The following GLB1L3 variants were observed in gnomAD, a reference collection of about 807,000 sequenced individuals.
The protein encoded by GLB1L3 is beta-galactosidase-1-like protein 3.
A neutral mutation model predicts 89.5 loss-of-function variants in GLB1L3; 89 were observed. The ratio of observed to expected loss-of-function variants is 0.99; its 90% CI spans 0.84 to 1.19. GLB1L3 has a LOEUF of 1.19. Ranked by LOEUF, GLB1L3 falls within the 50% of genes most tolerant of loss-of-function variation. GLB1L3 has a pLI of 0.00. For synonymous variants in GLB1L3, 314 were observed against 312.3 expected (o/e 1.01, Z -0.06); for missense variants, 812 against 813.3 (o/e 1.00, Z 0.02).
chr11:134,293,753 C>A (rs1285845722), intron 9 of GLB1L3, among the ~76,000 whole-genome samples: 2 of 151,714 alleles, frequency 1.3e-5, no homozygotes, highest in East Asian at 3.9e-4. Flanking sequence ...AGTACATCAT[C>A]TGTCCTTTCT....
chr11:134,283,097 T>C (rs776966124), intron 5 of GLB1L3, among the ~76,000 whole-genome samples: 13 of 152,164 alleles, frequency 8.5e-5, no homozygotes, highest in Non-Finnish European at 1.6e-4. Context: ...AGTCTTGCTC[T>C]CGTCACCCAG....
rs1940381075 is a variant in GLB1L3, at chr11:134,276,600, C to T, written c.-141C>T. On this transcript the variant is annotated 5_prime_UTR_variant, in exon 1 of 20. Coordinates refer to ENST00000431683, the MANE Select transcript of GLB1L3 (RefSeq NM_001080407.3). ...GGCGCCCGCGCCTCGGGACGGATTTCTGCCTCGGCTGCAGGCGCAGCGCGC... is the reference window on the plus strand; with the variant it reads ...GGCGCCCGCGCCTCGGGACGGATTTTTGCCTCGGCTGCAGGCGCAGCGCGC... 2 of 756,750 alleles carry T rather than the reference C, an allele frequency of 2.6e-6. No homozygotes were observed. Among genetic ancestry groups the T allele is most frequent in the South Asian group, 1.1e-4 (2 of 17,770 alleles). 46.9% of individuals were successfully genotyped at this position (756,750 alleles called of 1,614,324 possible).
downstream of GLB1L3, among the ~76,000 whole-genome samples, chr11:134,322,414 A>G (rs868476539): frequency 6.6e-6 from 1 of 152,248 alleles, no homozygotes; most frequent in Non-Finnish European, 1.5e-5. Flanking sequence ...TTCATATACC[A>G]TAAAATTTTT....
intron 18 of GLB1L3, among the ~76,000 whole-genome samples, chr11:134,317,756 T>G (rs1015258656): frequency 6.6e-6 from 1 of 152,182 alleles, no homozygotes; most frequent in Non-Finnish European, 1.5e-5. Flanking sequence ...ATTGAAAGGT[T>G]GTATAAAAAT....
chr11:134,305,434 TTCC>T (rs35537530), intron 9 of GLB1L3: 49,166 of 315,452 alleles, frequency 0.16, 4,324 homozygotes, highest in Middle Eastern at 0.18. Flanking sequence ...TTTGCGCTTC[TTCC>T]TCCTCATTTA....
Position 134,311,072 on chromosome 11 carries a change from C to T in GLB1L3, c.1189C>T (p.Leu397=). ...CCCCATCTCCATTGCAGCAACTCCC[C>T]TGCCCCGAGTACCCAAACTTCCTCC... ...KLFQSVSATP[L]PRVPKLPPKA... Residue 397 remains leucine, a synonymous_variant, in exon 13 of 20, where the codon CTG becomes TTG. Coordinates refer to ENST00000431683, the MANE Select transcript of GLB1L3 (RefSeq NM_001080407.3). 1 of 1,613,634 alleles carries T rather than the reference C, an allele frequency of 6.2e-7. No individual in the cohort carries two copies. The highest frequency in any genetic ancestry group is 1.3e-5 in the African/African-American group (1 of 75,028).
intron 5 of GLB1L3, among the ~76,000 whole-genome samples, chr11:134,282,673 G>T (rs1031244810): frequency 5.9e-5 from 9 of 152,066 alleles, no homozygotes; most frequent in Admixed American, 4.6e-4. Flanking sequence ...TGTGATTCTG[G>T]CCCCCAGCCC....
In GLB1L3 at chr11:134,319,131, T is replaced by A; in HGVS notation, c.*189T>A. The A allele has an allele frequency of 1.8e-6, 1 of 542,158 alleles. No homozygotes were observed. Among genetic ancestry groups the A allele is most frequent in the Non-Finnish European group, 3.3e-6 (1 of 303,816 alleles). The allele number at this position is 542,158 out of a possible 1,614,324, so 33.6% of individuals were successfully genotyped here. On this transcript the variant is annotated 3_prime_UTR_variant, in exon 20 of 20. Coordinates refer to ENST00000431683, the MANE Select transcript of GLB1L3 (RefSeq NM_001080407.3). ...CACCACGCCTGGCTAATTTTTTGTA[T>A]TTTTAGTAGAGATGGGGTTTCACCA...
At chr11:134,288,684 C>T in intron 6 of GLB1L3, 114 bp from the exon 7 acceptor site, 2 of 667,830 alleles carry the variant, frequency 3.0e-6, no homozygotes, top group South Asian at 3.9e-5. Flanking sequence ...ACCACAGGGG[C>T]CGTGGATCAG....
At chr11:134,277,156 C>T (rs756891610) in intron 1 of GLB1L3, 170 bp from the exon 2 acceptor site, 1 of 784,332 alleles carries the variant, frequency 1.3e-6, no homozygotes, top group Admixed American at 1.9e-5. Flanking sequence ...GAGGACTGGC[C>T]GGGTGATGCC....
In GLB1L3 at chr11:134,277,311, C is replaced by T. The variant is rs762299190; in HGVS notation, c.24-15C>T. 7 of 1,613,866 alleles carry T rather than the reference C, an allele frequency of 4.3e-6. No individual in the cohort carries two copies. Among genetic ancestry groups the T allele is most frequent in the Non-Finnish European group, 5.1e-6 (6 of 1,179,878 alleles). On this transcript the variant is annotated splice_polypyrimidine_tract_variant and intron_variant, in intron 1 of 19. Transcript: ENST00000431683. ...GGAACCTTCCCCTTGTCACTGTTGT[C>T]CTTTCTCCTTTCAGCCCGTGTCTCT...
At chr11:134,289,893 C>T (rs1941245458) in intron 7 of GLB1L3, among the ~76,000 whole-genome samples, 1 of 149,538 alleles carries the variant, frequency 6.7e-6, no homozygotes. Context: ...CCATGGGCTG[C>T]CAAGCAGAGT....
chr11:134,283,098 C>A (rs1167975688), intron 5 of GLB1L3, among the ~76,000 whole-genome samples: 1 of 151,942 alleles, frequency 6.6e-6, no homozygotes, highest in Non-Finnish European at 1.5e-5. Context: ...GTCTTGCTCT[C>A]GTCACCCAGG....
At chr11:134,314,687 G>A (rs76338019) in intron 18 of GLB1L3, among the ~76,000 whole-genome samples, 3,579 of 152,180 alleles carry the variant, frequency 0.024, 156 homozygotes, top group African/African-American at 0.082. Context: ...CATGAAGTTC[G>A]CCTTTGAACC....
At chr11:134,280,063 T>C (rs1210313834) in intron 3 of GLB1L3, among the ~76,000 whole-genome samples, 1 of 152,168 alleles carries the variant, frequency 6.6e-6, no homozygotes, top group South Asian at 2.1e-4. Flanking sequence ...TTTGGTTATA[T>C]AGCCCACAAA....
intron 6 of GLB1L3, among the ~76,000 whole-genome samples, chr11:134,287,501 C>T (rs1941083719): frequency 6.6e-6 from 1 of 152,212 alleles, no homozygotes; most frequent in African/African-American, 2.4e-5. Flanking sequence ...TTATTCTTAT[C>T]CTGTTTATTT....
intron 18 of GLB1L3, chr11:134,316,772 C>T (rs1325872315): frequency 6.6e-6 from 1 of 152,194 alleles, no homozygotes; most frequent in Non-Finnish European, 1.5e-5. Flanking sequence ...GCTCTTTCAC[C>T]TCTAAGTTTT....
intron 18 of GLB1L3, among the ~76,000 whole-genome samples, chr11:134,318,072 A>T (rs1943055914): frequency 6.6e-6 from 1 of 152,138 alleles, no homozygotes; most frequent in Admixed American, 6.5e-5. Flanking sequence ...TGTAGCATAT[A>T]ACTACTTTAT....
At chr11:134,294,093 TCTCA>T in intron 9 of GLB1L3, among the ~76,000 whole-genome samples, 1 of 151,536 alleles carries the variant, frequency 6.6e-6, no homozygotes, top group Non-Finnish European at 1.5e-5. Context: ...TGAGACAGAG[TCTCA>T]CTCTTGTTGC....
Sources: gnomAD v4.1 joint callset for allele counts (sites outside exome capture counted in the v4.1 genomes callset) on GRCh38, gnomAD v4.1.1 for gene constraint, MANE v1.5 for transcripts, NCBI Gene and HGNC (gene_info 2026-07-23, HGNC 2026-07-21) for gene names.